The following RGS22 variants were observed in gnomAD, a reference collection of about 807,000 sequenced individuals.
RGS22 encodes regulator of G protein signaling 22.
RGS22 carries 148 observed loss-of-function variants against 172.9 expected under a neutral mutation model. That is an observed-to-expected ratio of 0.86 (90% confidence interval 0.75 to 0.98). The LOEUF is 0.98. Among genes scored for constraint, RGS22 ranks in the 50% least tolerant of loss-of-function variants. RGS22 has a pLI of 0.00. For synonymous variants in RGS22, 458 were observed against 480.2 expected (o/e 0.95, Z 0.60); for missense variants, 1,347 against 1,440.8 (o/e 0.93, Z 1.05).
chr8:100,048,873 T>C (rs915879252), intron 10 of RGS22, among the ~76,000 whole-genome samples: 42 of 152,088 alleles, frequency 2.8e-4, no homozygotes, highest in African/African-American at 1.0e-3. Flanking sequence ...GGCAGAGTCA[T>C]ATTTGCAAGA....
At chr8:100,033,880 T>C (rs1263961788) in intron 14 of RGS22, among the ~76,000 whole-genome samples, 3 of 152,130 alleles carry the variant, frequency 2.0e-5, no homozygotes, top group Non-Finnish European at 4.4e-5. Flanking sequence ...ATTATCTCAA[T>C]AGATGCAGGA....
In RGS22 at chr8:100,039,030, C is replaced by T. The variant is rs755525022; in HGVS notation, c.2067G>A (p.Leu689=). 2 of 1,580,282 alleles carry T rather than the reference C, an allele frequency of 1.3e-6. No individual in the cohort carries two copies. Among genetic ancestry groups the T allele is most frequent in the Non-Finnish European group, 1.7e-6 (2 of 1,155,430 alleles). ...TKFCEHSGNK[L]WKNSVYFWFD... is the part of the protein sequence containing the mutation. ...ACCAAAAGTACACACTGTTCTTCCA[C>T]AACTACAGATGGAAAAAGTACATAA... is the stretch of plus-strand genomic sequence containing the variant. Residue 689 remains leucine, a splice_region_variant and synonymous_variant, in exon 14 of 28, where the codon TTG becomes TTA. Coordinates refer to ENST00000360863, the MANE Select transcript of RGS22 (RefSeq NM_015668.5).
chr8:100,095,836 T>A (rs57916834), intron 2 of RGS22, among the ~76,000 whole-genome samples: 1 of 152,196 alleles, frequency 6.6e-6, no homozygotes, highest in Non-Finnish European at 1.5e-5. Flanking sequence ...ATCAATTATA[T>A]CTTTTATAAA....
chr8:100,044,700 A>G (rs1188976390), intron 11 of RGS22, among the ~76,000 whole-genome samples: 1 of 149,804 alleles, frequency 6.7e-6, no homozygotes, highest in Admixed American at 6.6e-5. Flanking sequence ...TTTACTGTAA[A>G]CCTTGATAAC....
intron 16 of RGS22, among the ~76,000 whole-genome samples, chr8:100,005,269 T>C (rs1815568317): frequency 6.6e-6 from 1 of 152,140 alleles, no homozygotes; most frequent in Non-Finnish European, 1.5e-5. Context: ...GTTAACTATC[T>C]TTAATATTTT....
intron 17 of RGS22, among the ~76,000 whole-genome samples, chr8:100,003,431 T>C (rs970155235): frequency 6.6e-6 from 1 of 151,934 alleles, no homozygotes; most frequent in South Asian, 2.1e-4. Context: ...AGAATATTAA[T>C]AGGAAAAAAA....
In RGS22 at chr8:100,071,404, C is replaced by T; in HGVS notation, c.559G>A (p.Val187Ile). 1 of 1,611,272 alleles carries T rather than the reference C, an allele frequency of 6.2e-7. No individual in the cohort carries two copies. Among genetic ancestry groups the T allele is most frequent in the Non-Finnish European group, 8.5e-7 (1 of 1,178,766 alleles). The change falls in exon 6 of 28, where the codon GTA becomes ATA. Residue 187 changes from valine to isoleucine, a missense_variant. Val to Ile is a conservative substitution (Grantham distance 29). Transcript: ENST00000360863. Reference sequence around the variant, plus strand: ...GATACATAGAACTTTTTCATAATTACAAGATTATCTTCTTCAGTGGCAGGA... The same window carrying T: ...GATACATAGAACTTTTTCATAATTATAAGATTATCTTCTTCAGTGGCAGGA... ...PPPATEEDNLVIMKKFYVSLG... is the reference protein window; with the variant it reads ...PPPATEEDNLIIMKKFYVSLG...
In RGS22 at chr8:100,071,518, G is replaced by A; in HGVS notation, c.445C>T (p.Gln149Ter). 2.5e-6 allele frequency: 4 copies of A among 1,605,152 alleles called. No homozygotes were observed. The highest frequency in any genetic ancestry group is 3.4e-6 in the Non-Finnish European group (4 of 1,176,632). ...ATGCCGGACTTGCTCCATCTTACTT[G>A]TGAGACCAATTTGGCTAACCTGCAT... ...FEYRLAKLVS[Q>*]VRWSKSGMNF... The change falls in exon 6 of 28, where the codon CAA (glutamine) becomes TAA (stop). Residue 149 changes from glutamine to a stop codon, truncating the protein, a stop_gained. Transcript: ENST00000360863. LOFTEE classifies it high-confidence loss of function.
intron 14 of RGS22, among the ~76,000 whole-genome samples, chr8:100,020,237 G>A (rs575415257): frequency 7.9e-5 from 12 of 152,124 alleles, no homozygotes; most frequent in Admixed American, 2.6e-4. Flanking sequence ...CTGATGGACT[G>A]ACAGGGTGGT....
intron 14 of RGS22, among the ~76,000 whole-genome samples, chr8:100,009,067 G>C (rs1038075531): frequency 2.0e-5 from 3 of 152,080 alleles, no homozygotes; most frequent in African/African-American, 7.2e-5. Context: ...ACCCCTTTCT[G>C]CCATTAAGTC....
intron 9 of RGS22, among the ~76,000 whole-genome samples, chr8:100,059,099 T>C (rs922870447): frequency 1.3e-5 from 2 of 152,140 alleles, no homozygotes; most frequent in Non-Finnish European, 2.9e-5. Context: ...TATAAGATAG[T>C]ATTTGCCAGC....
chr8:99,999,522 G>C, intron 18 of RGS22, 102 bp from the exon 19 acceptor site: 9 of 1,205,450 alleles, frequency 7.5e-6, no homozygotes, highest in Non-Finnish European at 1.0e-5. Context: ...GCTGCACCCT[G>C]AGGGGTGCCA....
At chr8:100,064,323 C>A (rs543983517) in intron 7 of RGS22, among the ~76,000 whole-genome samples, 97 of 152,080 alleles carry the variant, frequency 6.4e-4, no homozygotes, top group Non-Finnish European at 9.9e-4. Flanking sequence ...CAAAAATTAG[C>A]CAGGCTTGGT....
At chr8:100,062,880 G>T (rs1349174659) in intron 8 of RGS22, 128 bp from the exon 9 acceptor site, 2 of 734,344 alleles carry the variant, frequency 2.7e-6, no homozygotes, top group Non-Finnish European at 2.2e-6. Context: ...TTCTCTTAAG[G>T]TTCTTCAACT....
At chr8:100,047,363 A>C (rs925137875) in intron 11 of RGS22, 100 bp downstream of exon 11, 2 of 1,092,752 alleles carry the variant, frequency 1.8e-6, no homozygotes, top group African/African-American at 3.2e-5. Flanking sequence ...CCCATGTAAA[A>C]ATATCAAAGT....
chr8:100,057,027 C>T (rs1370164071), intron 9 of RGS22, among the ~76,000 whole-genome samples: 1 of 152,224 alleles, frequency 6.6e-6, no homozygotes, highest in Non-Finnish European at 1.5e-5. Context: ...GCCACAGGGG[C>T]AGAGCTGCCC....
At chr8:99,982,413 A>T (rs1019031515) in intron 21 of RGS22, among the ~76,000 whole-genome samples, 1 of 152,224 alleles carries the variant, frequency 6.6e-6, no homozygotes, top group Non-Finnish European at 1.5e-5. Context: ...TAACAACCGT[A>T]TAATGAGGGC....
At chr8:100,057,853 CACCAAATGA>C (rs1809769567) in intron 9 of RGS22, among the ~76,000 whole-genome samples, 1 of 152,082 alleles carries the variant, frequency 6.6e-6, no homozygotes, top group Non-Finnish European at 1.5e-5. Flanking sequence ...AAAACAACCT[CACCAAATGA>C]ATGAAATATG....
At chr8:99,961,965 C>T (rs1387607185) in intron 27 of RGS22, among the ~76,000 whole-genome samples, 2 of 152,158 alleles carry the variant, frequency 1.3e-5, no homozygotes, top group Non-Finnish European at 2.9e-5. Context: ...CATTACTAGA[C>T]TACTTTGTAA....
Sources: gnomAD v4.1 joint callset for allele counts (sites outside exome capture counted in the v4.1 genomes callset) on GRCh38, gnomAD v4.1.1 for gene constraint, MANE v1.5 for transcripts, NCBI Gene and HGNC (gene_info 2026-07-23, HGNC 2026-07-21) for gene names.